ZNF160: variants seen among roughly 807,000 people sequenced by gnomAD.
ZNF160 encodes zinc finger protein 160.
In ZNF160, 9 loss-of-function variants were observed where a neutral mutation model predicts 13.1. The ratio of observed to expected loss-of-function variants is 0.69; its 90% CI spans 0.41 to 1.20. The LOEUF (loss-of-function observed/expected upper bound fraction) is 1.20. ZNF160 is among the 50% of genes most tolerant of loss of function. The pLI is 0.01. For missense variants in ZNF160, 838 were observed against 988.0 expected (o/e 0.85, Z 2.04); for synonymous variants, 293 against 333.2 (o/e 0.88, Z 1.31).
chr19:53,085,939 G>A (rs997947977), intron 3 of ZNF160: 13 of 1,080,308 alleles, frequency 1.2e-5, no homozygotes, highest in African/African-American at 3.1e-5. Context: ...TTTACACAGC[G>A]CTGACAGTGC....
In ZNF160 at chr19:53,068,628, G is replaced by A; in HGVS notation, c.1906C>T (p.Leu636Phe). 6.2e-7 allele frequency: 1 copy of A among 1,613,920 alleles called. No homozygotes were observed. The highest frequency in any genetic ancestry group is 8.5e-7 in the Non-Finnish European group (1 of 1,179,978). The change falls in exon 6 of 6, where the codon CTT becomes TTT. Residue 636 changes from leucine to phenylalanine, a missense_variant. Leu to Phe is a conservative substitution (Grantham distance 22). Around this residue, in one of 3 missense-constraint regions of ZNF160, gnomAD observed 400 missense variants for 538.9 expected, o/e 0.74. Coordinates refer to ENST00000683776, the MANE Select transcript of ZNF160 (RefSeq NM_001322131.2). ...GTATGAATTCGCCGATGAGTTGCAA[G>A]GTATGAATTGTGCCTAAAAACCTTG... Reference protein sequence around the residue: ...CGKVFRHNSYLATHRRIHTGE... With the variant: ...CGKVFRHNSYFATHRRIHTGE...
rs1335415472 is a variant in ZNF160 at position 53,068,146 on chromosome 19, C to T, written c.2388G>A (p.Lys796=). ...CAAGATTTGAACTCTGCCTGAAGAC[C>T]TTGCCACACTCATTACATTTGTAAC... is the stretch of plus-strand genomic sequence containing the variant. The part of the protein sequence containing the change: ...EKRYKCNECG[K]VFRQSSNLAS... The change falls in exon 6 of 6, where the codon AAG becomes AAA. Residue 796 remains lysine (K), a synonymous_variant. Transcript: ENST00000683776. 1 of 1,614,032 alleles carries T rather than the reference C, an allele frequency of 6.2e-7. No individual in the cohort carries two copies. Among genetic ancestry groups the T allele is most frequent in the East Asian group, 2.2e-5 (1 of 44,878 alleles).
At chr19:53,073,995 G>T in intron 5 of ZNF160, 145 bp downstream of exon 5, 2 of 723,374 alleles carry the variant, frequency 2.8e-6, no homozygotes, top group Non-Finnish European at 2.3e-6. Context: ...TCACAATGTT[G>T]GTCAGGCTGG....
At position 53,067,537 on chromosome 19, in the gene ZNF160, A is replaced by G. The variant is rs139967825; in HGVS notation, c.*540T>C. 2.3e-4 allele frequency: 35 copies of G among 152,660 alleles called. No individual in the cohort carries two copies. Among genetic ancestry groups the G allele is most frequent in the Admixed American group, 7.2e-4 (11 of 15,334 alleles). The allele number at this position is 152,660 out of a possible 1,614,324, so 9.5% of individuals were successfully genotyped here. A position where few individuals can be genotyped will look rare whatever the true frequency, so the allele number is the denominator to read the frequency against. ...CCAATGATCTTTCCAAGAAAGCACC[A>G]TGGAAGGTGTGTAAGGATGCACAAT... is the stretch of plus-strand genomic sequence containing the variant. On this transcript the variant is annotated 3_prime_UTR_variant, in exon 6 of 6. Transcript: ENST00000683776.
At chr19:53,079,019 C>T (rs1012327194) in intron 3 of ZNF160, among the ~76,000 whole-genome samples, 24 of 152,056 alleles carry the variant, frequency 1.6e-4, no homozygotes, top group African/African-American at 1.2e-4. Context: ...AGATATTATT[C>T]GTGATAAACA....
chr19:53,084,777 TGGCA>T (rs2084766212), intron 3 of ZNF160, among the ~76,000 whole-genome samples: 1 of 152,126 alleles, frequency 6.6e-6, no homozygotes. Flanking sequence ...AAATCTGACG[TGGCA>T]TTGGTGGGAG....
intron 1 of ZNF160, among the ~76,000 whole-genome samples, chr19:53,098,736 G>A (rs950368444): frequency 1.3e-5 from 2 of 151,480 alleles, no homozygotes; most frequent in Non-Finnish European, 1.5e-5. Context: ...GACTGCGAGC[G>A]CATCACCTGC....
At chr19:53,101,118 A>G (rs2085432657) in intron 1 of ZNF160, among the ~76,000 whole-genome samples, 1 of 151,988 alleles carries the variant, frequency 6.6e-6, no homozygotes, top group African/African-American at 2.4e-5. Context: ...GTCTCTACTA[A>G]AAATACAAAA....
chr19:53,074,928 C>T, intron 4 of ZNF160, 129 bp downstream of exon 4: 1 of 1,256,292 alleles, frequency 8.0e-7, no homozygotes, highest in Non-Finnish European at 1.1e-6. Context: ...CATGATTAAG[C>T]TTTCCATTTC....
chr19:53,100,551 A>C (rs1207858998), intron 1 of ZNF160, among the ~76,000 whole-genome samples: 1 of 151,956 alleles, frequency 6.6e-6, no homozygotes, highest in Non-Finnish European at 1.5e-5. Flanking sequence ...CGGAGCTTGC[A>C]GTGAGCCGAG....
In ZNF160 at chr19:53,074,196, C is replaced by A; in HGVS notation, c.215G>T (p.Cys72Phe). 6.2e-7 allele frequency: 1 copy of A among 1,613,944 alleles called. No individual in the cohort carries two copies. Among genetic ancestry groups the A allele is most frequent in the Non-Finnish European group, 8.5e-7 (1 of 1,179,996 alleles). ...EGKEPWTVKS[C>F]VKIARKPRTP... Reference sequence around the variant, plus strand: ...TCTTGGTTTTCTTGCTATTTTCACACAGCTCTTCACAGTCCAGGGCTCTTT... The same window carrying A: ...TCTTGGTTTTCTTGCTATTTTCACAAAGCTCTTCACAGTCCAGGGCTCTTT... Residue 72 changes from cysteine (C) to phenylalanine (F), a missense_variant, in exon 5 of 6, where the codon TGT becomes TTT. Physicochemically the swap from Cys to Phe is radical, Grantham distance 205. Around this residue, in one of 3 missense-constraint regions of ZNF160, gnomAD observed 387 missense variants for 402.3 expected, o/e 0.96. Transcript: ENST00000683776.
chr19:53,101,041 G>C (rs2146091648), intron 1 of ZNF160, among the ~76,000 whole-genome samples: 1 of 152,242 alleles, frequency 6.6e-6, no homozygotes, highest in East Asian at 1.9e-4. Context: ...AAATTTGGGA[G>C]GCCGAGACAG....
In ZNF160 at chr19:53,075,077, T is replaced by C. The variant is rs752393573; in HGVS notation, c.122A>G (p.Tyr41Cys). ...ILYRDVMLEN[Y>C]WNLVSLGLCH... ...CTCACCCAGAGAAACAAGGTTCCAG[T>C]AGTTCTCCAACATCACGTCCCTGTA... Residue 41 changes from tyrosine to cysteine, a missense_variant, in exon 4 of 6, where the codon TAC becomes TGC. Physicochemically the swap from Tyr to Cys is radical, Grantham distance 194 (BLOSUM62 -2). Transcript: ENST00000683776. The C allele has an allele frequency of 6.8e-6, 11 of 1,614,058 alleles. No individual in the cohort carries two copies. Among genetic ancestry groups the C allele is most frequent in the Admixed American group, 3.3e-5 (2 of 59,998 alleles).
At position 53,084,493 on chromosome 19, in the gene ZNF160, C is replaced by T. The variant is rs148687158; in HGVS notation, c.15+1769G>A. ...TGTCAGTGACAGAGCCGCCGTGCTC[C>T]GGCCTCGCTCCAGCAACAGGGTGAG... On this transcript the variant is annotated intron_variant, in intron 3 of 5. Coordinates refer to ENST00000683776, the MANE Select transcript of ZNF160 (RefSeq NM_001322131.2). 5.4e-4 allele frequency among the ~76,000 whole-genome samples: 82 copies of T among 152,278 alleles called. No homozygotes were observed. The Middle Eastern group carries it at 0.01, about 19-fold the overall frequency.
chr19:53,073,770 G>A (rs1660315234), intron 5 of ZNF160, among the ~76,000 whole-genome samples: 1 of 151,894 alleles, frequency 6.6e-6, no homozygotes, highest in Non-Finnish European at 1.5e-5. Flanking sequence ...CTCATCTGCA[G>A]AGAGTTTCCC....
intron 5 of ZNF160, among the ~76,000 whole-genome samples, chr19:53,070,823 G>C (rs986934703): frequency 6.6e-6 from 1 of 152,174 alleles, no homozygotes; most frequent in Non-Finnish European, 1.5e-5. Flanking sequence ...GGGAGCCTAA[G>C]GTGGGAGGAT....
At chr19:53,082,641 G>C (rs1435386794) in intron 3 of ZNF160, among the ~76,000 whole-genome samples, 3 of 152,206 alleles carry the variant, frequency 2.0e-5, no homozygotes, top group Admixed American at 1.3e-4. Context: ...CTGGACTCCA[G>C]CCTGGACAAC....
chr19:53,080,314 G>C (rs1650977), intron 3 of ZNF160, among the ~76,000 whole-genome samples: 70,169 of 151,818 alleles, frequency 0.46, 17,214 homozygotes, highest in Admixed American at 0.58. Context: ...GGTCAGGCTG[G>C]TCTTGAACTC....
chr19:53,091,124 G>A (rs1313525238), intron 2 of ZNF160: 1 of 152,220 alleles, frequency 6.6e-6, no homozygotes, highest in Non-Finnish European at 1.5e-5. Context: ...CGAAGCGGGA[G>A]GATCACTTGA....
Sources: allele counts gnomAD v4.1 joint callset (sites outside exome capture counted in the v4.1 genomes callset), GRCh38; gene constraint gnomAD v4.1.1; regional missense constraint gnomAD v4.1.1; transcripts MANE v1.5; gene names NCBI Gene and HGNC (gene_info 2026-07-23, HGNC 2026-07-21).